Variants in SCAPER observed in about 807,000 individuals in gnomAD.
SCAPER encodes the protein S phase cyclin A-associated protein in the endoplasmic reticulum.
In SCAPER, 98 loss-of-function variants were observed where a neutral mutation model predicts 182.2. The observed-to-expected ratio is 0.54, with a 90% CI of 0.46 to 0.64. The LOEUF is 0.64. SCAPER is among the 30% of genes least tolerant of loss of function. The pLI is 0.00. For synonymous variants in SCAPER, 605 were observed against 564.6 expected, an observed-to-expected ratio of 1.07 and a Z score of -1.01; for missense variants, 1,432 against 1,690.0, an observed-to-expected ratio of 0.85 and a Z score of 2.68.
chr15:76,726,693 T>C (rs1179148003), intron 17 of SCAPER, among the ~76,000 whole-genome samples: 1 of 152,030 alleles, frequency 6.6e-6, no homozygotes, highest in East Asian at 1.9e-4. Flanking sequence ...TGACACATGC[T>C]ACAACATGGA....
At chr15:76,463,631 T>A (rs1368499747) in intron 25 of SCAPER, among the ~76,000 whole-genome samples, 5 of 152,120 alleles carry the variant, frequency 3.3e-5, no homozygotes, top group African/African-American at 1.2e-4. Flanking sequence ...AAAATAAGAC[T>A]GCTAATAAAA....
intron 17 of SCAPER, among the ~76,000 whole-genome samples, chr15:76,723,369 T>C (rs1459503925): frequency 1.3e-5 from 2 of 152,208 alleles, no homozygotes; most frequent in South Asian, 2.1e-4. Context: ...AATTTTGGAA[T>C]AGGTGTGGTG....
At chr15:76,382,403 G>T (rs1436466484) in intron 27 of SCAPER, among the ~76,000 whole-genome samples, 2 of 143,814 alleles carry the variant, frequency 1.4e-5, no homozygotes, top group African/African-American at 5.2e-5. Flanking sequence ...TTTCACAGGT[G>T]TTAAAAAAAA....
At chr15:76,522,883 GAT>G (rs2042932312) in intron 23 of SCAPER, among the ~76,000 whole-genome samples, 1 of 151,986 alleles carries the variant, frequency 6.6e-6, no homozygotes, top group African/African-American at 2.4e-5. Flanking sequence ...AACTTCATGT[GAT>G]ATGTTTCTGA....
chr15:76,819,991 CTCA>C (rs780203555), intron 5 of SCAPER, among the ~76,000 whole-genome samples: 3 of 152,162 alleles, frequency 2.0e-5, no homozygotes, highest in Non-Finnish European at 4.4e-5. Flanking sequence ...TGAAAAAATG[CTCA>C]TCATCACTGG....
chr15:76,793,403 A>G (rs1459565634), intron 8 of SCAPER: 3 of 614,024 alleles, frequency 4.9e-6, no homozygotes, highest in Non-Finnish European at 5.8e-6. Context: ...TGGAAACAAC[A>G]AGGCAGTATT....
At chr15:76,611,664 G>GTACA (rs750154382) in intron 22 of SCAPER, among the ~76,000 whole-genome samples, 51 of 152,220 alleles carry the variant, frequency 3.4e-4, no homozygotes, top group Middle Eastern at 3.4e-3. Flanking sequence ...GAACACTGAT[G>GTACA]TGTTCATCAT....
intron 14 of SCAPER, 33 bp downstream of exon 14, chr15:76,764,928 A>G (rs1349672282): frequency 1.5e-6 from 2 of 1,313,282 alleles, no homozygotes; most frequent in Non-Finnish European, 2.1e-6. Flanking sequence ...GCAACTTCAG[A>G]CTATCATAAT....
chr15:76,567,399 T>C (rs1202754200), intron 23 of SCAPER: 2 of 447,894 alleles, frequency 4.5e-6, no homozygotes, highest in African/African-American at 4.0e-5. Context: ...TTCCATACAG[T>C]ATATACCTAG....
At chr15:76,549,213 T>G (rs1429958627) in intron 23 of SCAPER, among the ~76,000 whole-genome samples, 1 of 152,082 alleles carries the variant, frequency 6.6e-6, no homozygotes, top group Non-Finnish European at 1.5e-5. Flanking sequence ...TCCTCAGGGA[T>G]CTAGAACTGG....
chr15:76,784,002 C>T (rs992064617), intron 8 of SCAPER, among the ~76,000 whole-genome samples: 4 of 152,182 alleles, frequency 2.6e-5, no homozygotes, highest in African/African-American at 7.2e-5. Context: ...TCTCACCACT[C>T]CTCTTCAACA....
chr15:76,469,034 T>A (rs2049916028), intron 25 of SCAPER, among the ~76,000 whole-genome samples: 3 of 152,150 alleles, frequency 2.0e-5, no homozygotes, highest in African/African-American at 7.2e-5. Flanking sequence ...TTATAAGCCA[T>A]CCAGTCTATG....
At chr15:76,752,711 CA>C (rs1443227714) in intron 15 of SCAPER, among the ~76,000 whole-genome samples, 2 of 151,410 alleles carry the variant, frequency 1.3e-5, no homozygotes, top group South Asian at 2.1e-4. Context: ...TGATGATTGC[CA>C]GGGGCTGGGG....
intron 2 of SCAPER, among the ~76,000 whole-genome samples, chr15:76,874,485 A>T (rs1217608391): frequency 2.7e-5 from 4 of 148,510 alleles, no homozygotes; most frequent in Non-Finnish European, 4.5e-5. Flanking sequence ...CAGAAAAATT[A>T]AAAAAAAAAC....
At chr15:76,719,164 G>C (rs935408740) in intron 17 of SCAPER, among the ~76,000 whole-genome samples, 15 of 152,126 alleles carry the variant, frequency 9.9e-5, no homozygotes, top group Non-Finnish European at 1.6e-4. Context: ...GTCCATCAAA[G>C]AAACAATGAT....
At chr15:76,355,121 C>T (rs558242744) in intron 29 of SCAPER, among the ~76,000 whole-genome samples, 13 of 152,306 alleles carry the variant, frequency 8.5e-5, no homozygotes, top group Admixed American at 7.2e-4. Flanking sequence ...AATGAAACAG[C>T]AGAGGCAGGA....
chr15:76,471,091 TCTTCTTC>T, intron 25 of SCAPER, 114 bp downstream of exon 25: 1 of 797,130 alleles, frequency 1.3e-6, no homozygotes, highest in Non-Finnish European at 1.7e-6. Context: ...TTCTTCTTCT[TCTTCTTC>T]TTTTTTTTTT....
At chr15:76,885,052 C>T (rs755566324) in intron 1 of SCAPER, among the ~76,000 whole-genome samples, 2 of 152,178 alleles carry the variant, frequency 1.3e-5, no homozygotes, top group African/African-American at 2.4e-5. Context: ...AATAAGCACA[C>T]GGTTTCTTTA....
intron 5 of SCAPER, among the ~76,000 whole-genome samples, chr15:76,817,929 A>G (rs554019409): frequency 6.6e-6 from 1 of 152,316 alleles, no homozygotes; most frequent in Admixed American, 6.5e-5. Flanking sequence ...TGCAATCTCA[A>G]TCAAAATCCC....
Sources: gnomAD v4.1 joint callset for allele counts (sites outside exome capture counted in the v4.1 genomes callset) on GRCh38, gnomAD v4.1.1 for gene constraint, MANE v1.5 for transcripts, NCBI Gene and HGNC (gene_info 2026-07-23, HGNC 2026-07-21) for gene names.